The following TSC2 variants were observed in gnomAD, a reference collection of about 807,000 sequenced individuals.
TSC2 encodes the protein TSC complex subunit 2.
TSC2 carries 29 observed loss-of-function variants against 202.2 expected under a neutral mutation model. The ratio of observed to expected loss-of-function variants is 0.14; its 90% CI spans 0.11 to 0.20. The LOEUF (loss-of-function observed/expected upper bound fraction) is 0.20, where lower values mean the gene tolerates loss of function less well. Among genes scored for constraint, TSC2 ranks in the 10% least tolerant of loss-of-function variants. The probability of loss-of-function intolerance (pLI) is 1.00; values close to 1 mark genes in which losing one functional copy is unlikely to be tolerated. For missense variants in TSC2, 2,429 were observed against 2,420.0 expected, an observed-to-expected ratio of 1.00 and a Z score of -0.08; for synonymous variants, 1,349 against 1,044.0, an observed-to-expected ratio of 1.29 and a Z score of -5.63.
rs1474891284 is a variant in TSC2, at chr16:2,071,835, C to T, written c.1998C>T (p.Pro666=). 4 of 1,592,862 alleles carry T rather than the reference C, an allele frequency of 2.5e-6. No individual in the cohort carries two copies. Among genetic ancestry groups the T allele is most frequent in the Non-Finnish European group, 3.4e-6 (4 of 1,170,456 alleles). Residue 666 remains proline (P), a synonymous_variant, in exon 19 of 42, where the codon CCC becomes CCT. Transcript: ENST00000219476. ...AGACCAGCGGCCCCCTTTCTCCTCCCACAGGGCCTCCTGGCCCGGCGCCTG... is the reference window on the plus strand; with the variant it reads ...AGACCAGCGGCCCCCTTTCTCCTCCTACAGGGCCTCCTGGCCCGGCGCCTG... ...EKKTSGPLSP[P]TGPPGPAPAG...
chr16:2,053,197 A>C, intron 3 of TSC2, 145 bp from the exon 4 acceptor site: 3 of 799,840 alleles, frequency 3.8e-6, no homozygotes, highest in South Asian at 1.5e-5. Context: ...CAGGAGACAC[A>C]GGAGATACGA....
At chr16:2,066,651 C>CTGTTTTTTT (rs2087401392) in intron 16 of TSC2, among the ~76,000 whole-genome samples, 1 of 98,458 alleles carries the variant, frequency 1.0e-5, no homozygotes, top group African/African-American at 3.8e-5. Context: ...TCTGATTTAT[C>CTGTTTTTTT]TTTTTTTTTT....
chr16:2,072,923 C>G lies in TSC2; in HGVS notation c.2295C>G (p.Ala765=), dbSNP rs45509500. ...EGFSRTDLHL[A]VVPVLTALIS... is the part of the protein sequence containing the mutation. ...TCTCCAGAACTGACTTGCACCTGGCCGTGGTTCCAGTGCTGACAGCATTAA... is the reference window on the plus strand; with the variant it reads ...TCTCCAGAACTGACTTGCACCTGGCGGTGGTTCCAGTGCTGACAGCATTAA... Residue 765 remains alanine (A), a synonymous_variant, in exon 21 of 42, where the codon GCC becomes GCG. Coordinates refer to ENST00000219476, the MANE Select transcript of TSC2 (RefSeq NM_000548.5). 1.7e-5 allele frequency: 28 copies of G among 1,613,500 alleles called. No individual in the cohort carries two copies. The highest frequency in any genetic ancestry group is 2.3e-5 in the Non-Finnish European group (27 of 1,180,042).
chr16:2,088,181 C>G (rs762873641), intron 40 of TSC2, 42 bp downstream of exon 40: 2 of 1,612,826 alleles, frequency 1.2e-6, no homozygotes, highest in Non-Finnish European at 1.7e-6. Flanking sequence ...TGGGACAGGC[C>G]CAGGTGCCAC....
chr16:2,076,481 ACT>A lies in TSC2; in HGVS notation c.2743-7_2743-6del, dbSNP rs1208047924. 1 of 1,612,698 alleles carries A rather than the reference ACT, an allele frequency of 6.2e-7. No homozygotes were observed. ...CACCCCTCACTGTCTGGGTGTGCTC[ACT>A]CTGCCAGGGCCTGCGGTCCAATGTC... On this transcript the variant is annotated splice_region_variant and splice_polypyrimidine_tract_variant and intron_variant, in intron 24 of 41. Coordinates refer to ENST00000219476, the MANE Select transcript of TSC2 (RefSeq NM_000548.5).
chr16:2,071,774 G>A lies in TSC2; in HGVS notation c.1947-10G>A, dbSNP rs778293037. 4 of 1,604,882 alleles carry A rather than the reference G, an allele frequency of 2.5e-6. No individual in the cohort carries two copies. The East Asian group carries it at 6.7e-5, about 27-fold the overall frequency. On this transcript the variant is annotated splice_polypyrimidine_tract_variant and intron_variant, in intron 18 of 41. Transcript: ENST00000219476. The stretch of plus-strand genomic sequence containing the variant: ...GGACTTGGCCTCAGCTGCTTCTCTT[G>A]CTTCTGCAGGGAGCCAGAGAGAGGC...
intron 15 of TSC2, chr16:2,064,732 C>T: frequency 2.0e-6 from 1 of 496,604 alleles, no homozygotes. Context: ...TCCTCCCTGC[C>T]CAGCCAACAG....
intron 33 of TSC2, 151 bp downstream of exon 33, chr16:2,083,967 T>C: frequency 7.1e-7 from 1 of 1,410,560 alleles, no homozygotes; most frequent in Non-Finnish European, 9.4e-7. Flanking sequence ...CGGTCTGCAC[T>C]TTGCAGCCAT....
intron 15 of TSC2, chr16:2,064,945 C>G (rs145989444): frequency 4.9e-6 from 1 of 204,252 alleles, no homozygotes; most frequent in African/African-American, 2.3e-5. Context: ...GAAATCCTGT[C>G]TCTACTAAAA....
At chr16:2,056,805 G>C (rs768982571) in intron 8 of TSC2, 36 bp downstream of exon 8, 2 of 1,602,562 alleles carry the variant, frequency 1.2e-6, no homozygotes, top group East Asian at 2.2e-5. Context: ...AGGTTCCTGA[G>C]AGCACATGGA....
intron 3 of TSC2, among the ~76,000 whole-genome samples, chr16:2,051,886 A>G (rs1249610866): frequency 6.6e-6 from 1 of 152,188 alleles, no homozygotes; most frequent in South Asian, 2.1e-4. Context: ...CCAATGTGGC[A>G]AAACCCTGTT....
Position 2,086,222 on chromosome 16 carries a change from TG to T in TSC2, c.4693del (p.Glu1565SerfsTer11), listed in dbSNP as rs1567532582. ...ACAGCGAGCTCGCCATCCTGTCCAA[TG>T]AGCATGGCTCCTACAGGTACACGGA... ...SNSELAILSNEHGSYRYTEFL... is the reference protein window; with the variant it reads ...SNSELAILSNXHGSYRYTEFL... On this transcript the variant is annotated frameshift_variant, in exon 37 of 42. Transcript: ENST00000219476. LOFTEE classifies it high-confidence loss of function. 1 of 1,612,590 alleles carries T rather than the reference TG, an allele frequency of 6.2e-7. No individual in the cohort carries two copies. The highest frequency in any genetic ancestry group is 8.5e-7 in the Non-Finnish European group (1 of 1,179,900).
intron 40 of TSC2, 29 bp downstream of exon 40, chr16:2,088,168 T>A (rs771121100): frequency 1.9e-6 from 3 of 1,612,978 alleles, no homozygotes; most frequent in Non-Finnish European, 2.5e-6. Flanking sequence ...AGGCGTGAGC[T>A]GGTGGGACAG....
At chr16:2,067,276 G>A (rs576761665) in intron 16 of TSC2, among the ~76,000 whole-genome samples, 3 of 151,790 alleles carry the variant, frequency 2.0e-5, no homozygotes, top group African/African-American at 2.4e-5. Flanking sequence ...GTCCTGCCTC[G>A]GAGGCCTCCC....
intron 10 of TSC2, among the ~76,000 whole-genome samples, chr16:2,059,916 C>G (rs2086421797): frequency 6.6e-6 from 1 of 152,210 alleles, no homozygotes; most frequent in Non-Finnish European, 1.5e-5. Flanking sequence ...CCGCCTTGGT[C>G]TCCCAAAGTG....
Position 2,084,969 on chromosome 16 carries a change from C to T in TSC2, c.4512C>T (p.Leu1504=). Reference sequence around the variant, plus strand: ...TGTGCAGTTTCGTGTTCCTGCAGCTCTACCATTCCCCCTTCTTTGGCGACG... The same window carrying T: ...TGTGCAGTTTCGTGTTCCTGCAGCTTTACCATTCCCCCTTCTTTGGCGACG... The part of the protein sequence containing the change: ...GINPSFVFLQ[L]YHSPFFGDES... Residue 1504 remains leucine, a synonymous_variant, in exon 35 of 42, where the codon CTC becomes CTT. Transcript: ENST00000219476. The T allele has an allele frequency of 6.2e-7, 1 of 1,613,350 alleles. No individual in the cohort carries two copies. The highest frequency in any genetic ancestry group is 8.5e-7 in the Non-Finnish European group (1 of 1,179,990).
chr16:2,073,721 C>T (rs1204307825), intron 21 of TSC2, among the ~76,000 whole-genome samples: 4 of 152,390 alleles, frequency 2.6e-5, no homozygotes, highest in Admixed American at 2.0e-4. Context: ...GTTCTGAGGC[C>T]TTACTGGCCC....
intron 30 of TSC2, chr16:2,080,698 A>T: frequency 2.9e-6 from 1 of 343,636 alleles, no homozygotes; most frequent in South Asian, 2.8e-5. Context: ...GTTAGCCAGG[A>T]TGGTCTCAAT....
chr16:2,086,487 C>A (rs1422861754), intron 37 of TSC2, 108 bp downstream of exon 37: 1 of 1,485,512 alleles, frequency 6.7e-7, no homozygotes, highest in Non-Finnish European at 9.1e-7. Context: ...CCCCCACCTG[C>A]TCCAGCTCCC....
Sources: gnomAD v4.1 joint callset for allele counts (sites outside exome capture counted in the v4.1 genomes callset) on GRCh38, gnomAD v4.1.1 for gene constraint, MANE v1.5 for transcripts, NCBI Gene and HGNC (gene_info 2026-07-23, HGNC 2026-07-21) for gene names.